Variants in FSHR observed in about 807,000 individuals in gnomAD.
The protein encoded by FSHR is follicle-stimulating hormone receptor.
A neutral mutation model predicts 52.1 loss-of-function variants in FSHR; 46 were observed. That is an observed-to-expected ratio of 0.88 (90% confidence interval 0.70 to 1.13). FSHR has a LOEUF of 1.13. FSHR is among the 50% of genes most tolerant of loss of function. The probability of loss-of-function intolerance (pLI) is 0.00; values close to 1 mark genes in which losing one functional copy is unlikely to be tolerated. For missense variants in FSHR, 964 were observed against 834.6 expected, an observed-to-expected ratio of 1.16 and a Z score of -1.91; for synonymous variants, 399 against 309.6, an observed-to-expected ratio of 1.29 and a Z score of -3.03.
At chr2:48,991,634 A>G (rs1302484321) in intron 4 of FSHR, among the ~76,000 whole-genome samples, 1 of 152,242 alleles carries the variant, frequency 6.6e-6, no homozygotes, top group Non-Finnish European at 1.5e-5. Flanking sequence ...AGGCTAGGCC[A>G]GGTGTTGTCC....
rs369799738 is a variant in FSHR at position 49,011,546 on chromosome 2, C to T, written c.374+5943G>A. 1.7e-4 allele frequency among the ~76,000 whole-genome samples: 26 copies of T among 152,086 alleles called. 2 individuals are homozygous for T. In the South Asian group the frequency reaches 2.1e-3, roughly 12 times the overall value. Reference sequence around the variant, plus strand: ...GAGTTCTGTAGATGTCTATTAGGTCCGCTTGGTGCAGAGCTGAGTTCAATT... The same window carrying T: ...GAGTTCTGTAGATGTCTATTAGGTCTGCTTGGTGCAGAGCTGAGTTCAATT... On this transcript the variant is annotated intron_variant, in intron 4 of 9. Transcript: ENST00000406846.
chr2:49,042,473 G>T (rs912258324), intron 2 of FSHR, among the ~76,000 whole-genome samples: 2 of 152,194 alleles, frequency 1.3e-5, no homozygotes, highest in African/African-American at 4.8e-5. Flanking sequence ...AAAATAATTT[G>T]ACAAAGGTGG....
At chr2:49,091,239 A>T (rs1432994883) in intron 1 of FSHR, among the ~76,000 whole-genome samples, 1 of 151,714 alleles carries the variant, frequency 6.6e-6, no homozygotes, top group Non-Finnish European at 1.5e-5. Flanking sequence ...TATAGCTTTT[A>T]TGTTTTATAT....
At chr2:49,153,976 A>G (rs896062243) in intron 1 of FSHR, among the ~76,000 whole-genome samples, 39 of 152,312 alleles carry the variant, frequency 2.6e-4, no homozygotes, top group Non-Finnish European at 5.3e-4. Flanking sequence ...AGAGAGTATG[A>G]AACCCAAGAG....
rs578023597 is a variant in FSHR, at chr2:49,006,475, A to C, written c.374+11014T>G. Among the ~76,000 whole-genome samples, 18 of 152,162 alleles carry C rather than the reference A, an allele frequency of 1.2e-4. No individual in the cohort carries two copies. In the Middle Eastern group the frequency reaches 0.01, roughly 86 times the overall value. On this transcript the variant is annotated intron_variant, in intron 4 of 9. Coordinates refer to ENST00000406846, the MANE Select transcript of FSHR (RefSeq NM_000145.4). ...CACACCTTCTTTTTAGTTGGGACTC[A>C]GTTTCTTTACATCCTTTATCATTTC...
chr2:49,114,457 A>G (rs1359171128), intron 1 of FSHR, among the ~76,000 whole-genome samples: 1 of 152,196 alleles, frequency 6.6e-6, no homozygotes, highest in Non-Finnish European at 1.5e-5. Flanking sequence ...GCTTCAGAGA[A>G]AAAAAGAATG....
intron 8 of FSHR, among the ~76,000 whole-genome samples, chr2:48,973,062 T>C (rs1674814101): frequency 6.6e-6 from 1 of 152,176 alleles, no homozygotes; most frequent in Non-Finnish European, 1.5e-5. Context: ...AAGAATATGA[T>C]AGAAATGTTG....
chr2:49,137,095 G>A (rs1030111292), intron 1 of FSHR, among the ~76,000 whole-genome samples: 1 of 152,060 alleles, frequency 6.6e-6, no homozygotes, highest in Non-Finnish European at 1.5e-5. Flanking sequence ...ATATATTCCT[G>A]TATATGGAAA....
chr2:49,084,972 G>A (rs1223038840), intron 1 of FSHR, among the ~76,000 whole-genome samples: 4 of 152,112 alleles, frequency 2.6e-5, no homozygotes, highest in East Asian at 1.9e-4. Context: ...AGAAAAAGAC[G>A]GAATCCTCCC....
chr2:49,151,995 C>T (rs910825720), intron 1 of FSHR, among the ~76,000 whole-genome samples: 9 of 152,054 alleles, frequency 5.9e-5, no homozygotes, highest in Admixed American at 2.0e-4. Context: ...CTCAGTACAC[C>T]TTTCCAAGAA....
rs12478831 is a variant in FSHR, at chr2:49,080,152, C to A, written c.153-11862G>T. Among the ~76,000 whole-genome samples, 623 of 152,234 alleles carry A rather than the reference C, an allele frequency of 4.1e-3. 13 individuals carry two copies. In the East Asian group the frequency reaches 0.051, roughly 12 times the overall value. On this transcript the variant is annotated intron_variant, in intron 1 of 9. Coordinates refer to ENST00000406846, the MANE Select transcript of FSHR (RefSeq NM_000145.4). ...AGAAGTGTAAACAATACTTTGACAC[C>A]TTTATTCACCATTATATTGGTGAAC...
chr2:49,105,296 G>A (rs1223196173), intron 1 of FSHR, among the ~76,000 whole-genome samples: 1 of 151,986 alleles, frequency 6.6e-6, no homozygotes, highest in Non-Finnish European at 1.5e-5. Context: ...GCTTGCATTG[G>A]TATATCTCAA....
chr2:49,005,905 G>T (rs1667058644), intron 4 of FSHR, among the ~76,000 whole-genome samples: 1 of 152,084 alleles, frequency 6.6e-6, no homozygotes, highest in African/African-American at 2.4e-5. Context: ...AGTGGGCTGG[G>T]AAAGGCAGAC....
At chr2:49,119,118 T>C (rs1417393881) in intron 1 of FSHR, among the ~76,000 whole-genome samples, 2 of 152,148 alleles carry the variant, frequency 1.3e-5, no homozygotes. Flanking sequence ...TATGGACACA[T>C]GACGTGGACC....
chr2:49,127,898 C>CTTTTCTT lies in FSHR; in HGVS notation c.152+26367_152+26368insAAGAAAA, dbSNP rs1672120233. ...TCTTCTTCTTCTTCTTCTTCTTCTT[C>CTTTTCTT]TTTTTTTTTTTTGAGACGGAGTCTT... On this transcript the variant is annotated intron_variant, in intron 1 of 9. Transcript: ENST00000406846. 4.8e-4 allele frequency among the ~76,000 whole-genome samples: 13 copies of CTTTTCTT among 27,234 alleles called. 1 individual carries two copies. The highest frequency in any genetic ancestry group is 1.7e-3 in the Admixed American group (4 of 2,286). The allele number at this position is 27,234 out of a possible 152,430, so 17.9% of individuals were successfully genotyped here.
chr2:48,962,807 A>G lies in FSHR; in HGVS notation c.2014T>C (p.Cys672Arg), dbSNP rs2103989310. ...VHNTHPRNGH[C>R]SSAPRVTSGS... ...CTGGTGACTCTGGGAGCTGAAGAGC[A>G]GTGGCCATTCCTTGGATGGGTGTTG... The change falls in exon 10 of 10, where the codon TGC becomes CGC. Residue 672 changes from cysteine to arginine, a missense_variant. By Grantham distance (180) the Cys-to-Arg change is radical. Transcript: ENST00000406846. 6.2e-7 allele frequency: 1 copy of G among 1,614,160 alleles called. No individual in the cohort carries two copies. Among genetic ancestry groups the G allele is most frequent in the South Asian group, 1.1e-5 (1 of 91,084 alleles).
At chr2:49,020,578 C>T (rs1667653764) in intron 2 of FSHR, among the ~76,000 whole-genome samples, 1 of 151,194 alleles carries the variant, frequency 6.6e-6, no homozygotes, top group Non-Finnish European at 1.5e-5. Context: ...TGGTCTCTAT[C>T]ACAACTGCCC....
intron 2 of FSHR, among the ~76,000 whole-genome samples, chr2:49,056,040 C>T (rs928275039): frequency 4.0e-5 from 6 of 151,756 alleles, no homozygotes; most frequent in African/African-American, 1.2e-4. Flanking sequence ...CAGAAAACCA[C>T]CTAATTGCAA....
chr2:49,149,977 A>G (rs1231599066), intron 1 of FSHR, among the ~76,000 whole-genome samples: 2 of 151,994 alleles, frequency 1.3e-5, no homozygotes, highest in Non-Finnish European at 2.9e-5. Context: ...TAATCATCTG[A>G]CCCTGCTGAA....
Sources: allele counts gnomAD v4.1 joint callset (sites outside exome capture counted in the v4.1 genomes callset), GRCh38; gene constraint gnomAD v4.1.1; transcripts MANE v1.5; gene names NCBI Gene and HGNC (gene_info 2026-07-23, HGNC 2026-07-21).